The following GRM7 variants were observed in gnomAD, a reference collection of about 807,000 sequenced individuals.
GRM7 encodes metabotropic glutamate receptor 7.
Under a neutral mutation model 84.5 loss-of-function variants are expected in GRM7, and 35 were observed. That is an observed-to-expected ratio of 0.41 (90% CI 0.32 to 0.55). The LOEUF (loss-of-function observed/expected upper bound fraction) is 0.55. GRM7 is among the 20% of genes least tolerant of loss of function. The pLI is 0.19. For missense variants in GRM7, 1,003 were observed against 1,194.6 expected (o/e 0.84, Z 2.36); for synonymous variants, 487 against 455.1 (o/e 1.07, Z -0.89).
rs563453259 is a variant in GRM7, at chr3:7,379,390, G to A, written c.1034-35633G>A. Among the ~76,000 whole-genome samples, 35 of 152,208 alleles carry A rather than the reference G, an allele frequency of 2.3e-4. No homozygotes were observed. In the South Asian group the frequency reaches 6.8e-3, roughly 30 times the overall value. On this transcript the variant is annotated intron_variant, in intron 4 of 9. Coordinates refer to ENST00000357716, the MANE Select transcript of GRM7 (RefSeq NM_000844.4). ...TTACAGGTGCGAGCCACCATGCCCA[G>A]ACTCTTCTGTGAATTTTACAAGCGA...
intron 8 of GRM7, among the ~76,000 whole-genome samples, chr3:7,639,835 A>G (rs1300353557): frequency 1.3e-5 from 2 of 152,174 alleles, no homozygotes; most frequent in South Asian, 4.1e-4. Flanking sequence ...CATCACTCAG[A>G]AAGTTTTTTA....
intron 2 of GRM7, among the ~76,000 whole-genome samples, chr3:7,246,017 G>GTA (rs1697745933): frequency 3.9e-5 from 6 of 152,010 alleles, no homozygotes; most frequent in Non-Finnish European, 2.9e-5. Flanking sequence ...GTAAATAACT[G>GTA]AAGAGATAGA....
At chr3:7,014,596 G>A (rs938085363) in intron 1 of GRM7, among the ~76,000 whole-genome samples, 1 of 152,114 alleles carries the variant, frequency 6.6e-6, no homozygotes, top group Non-Finnish European at 1.5e-5. Flanking sequence ...GATTACAGAT[G>A]TGAGCCACCA....
At chr3:7,363,949 A>T (rs1460470994) in intron 4 of GRM7, among the ~76,000 whole-genome samples, 1 of 151,780 alleles carries the variant, frequency 6.6e-6, no homozygotes, top group Non-Finnish European at 1.5e-5. Flanking sequence ...TTTTCTGTTG[A>T]TGGATTAGCT....
At chr3:6,913,456 T>A (rs984450438) in intron 1 of GRM7, among the ~76,000 whole-genome samples, 1 of 152,184 alleles carries the variant, frequency 6.6e-6, no homozygotes, top group African/African-American at 2.4e-5. Flanking sequence ...AGGATGTGAA[T>A]AATGAACACT....
intron 4 of GRM7, among the ~76,000 whole-genome samples, chr3:7,406,633 G>A (rs1460032486): frequency 6.6e-6 from 1 of 152,150 alleles, no homozygotes; most frequent in Non-Finnish European, 1.5e-5. Context: ...CTGAATTTTT[G>A]TTGTGATGGG....
chr3:7,372,353 G>A (rs746910003), intron 4 of GRM7, among the ~76,000 whole-genome samples: 19 of 152,116 alleles, frequency 1.2e-4, no homozygotes, highest in Admixed American at 9.8e-4. Context: ...GTCCTCAGTT[G>A]TGTACAATCT....
intron 7 of GRM7, among the ~76,000 whole-genome samples, chr3:7,471,927 G>A (rs1240399882): frequency 6.6e-6 from 1 of 152,190 alleles, no homozygotes; most frequent in African/African-American, 2.4e-5. Flanking sequence ...ACCTCATGGT[G>A]CAATTTAATT....
chr3:7,732,224 A>G (rs1244612407), intron 9 of GRM7, among the ~76,000 whole-genome samples: 2 of 152,162 alleles, frequency 1.3e-5, no homozygotes, highest in African/African-American at 2.4e-5. Context: ...TGCAGTGGGC[A>G]GGAAGGGCAA....
At chr3:7,580,214 A>T (rs994441120) in intron 8 of GRM7, among the ~76,000 whole-genome samples, 3 of 152,148 alleles carry the variant, frequency 2.0e-5, no homozygotes, top group African/African-American at 7.2e-5. Flanking sequence ...TGTAATATCA[A>T]CCCTAATATA....
chr3:7,136,411 G>T (rs1306820956), intron 1 of GRM7, among the ~76,000 whole-genome samples: 4 of 149,412 alleles, frequency 2.7e-5, no homozygotes, highest in African/African-American at 7.5e-5. Flanking sequence ...TGCCTAGGTT[G>T]TCAGGAACTA....
intron 4 of GRM7, among the ~76,000 whole-genome samples, chr3:7,323,577 A>T (rs1199360103): frequency 6.6e-6 from 1 of 152,174 alleles, no homozygotes; most frequent in Non-Finnish European, 1.5e-5. Context: ...GTTAAAATAT[A>T]CTGTAGCTTA....
At chr3:7,102,635 T>G (rs1400974023) in intron 1 of GRM7, among the ~76,000 whole-genome samples, 1 of 151,734 alleles carries the variant, frequency 6.6e-6, no homozygotes, top group African/African-American at 2.4e-5. Flanking sequence ...TCTCCACATT[T>G]TTTCTACACC....
At chr3:7,390,040 A>T (rs1217812269) in intron 4 of GRM7, among the ~76,000 whole-genome samples, 1 of 151,846 alleles carries the variant, frequency 6.6e-6, no homozygotes, top group Non-Finnish European at 1.5e-5. Flanking sequence ...CTCTTGTTGG[A>T]TGGGTCTGGT....
At chr3:7,678,719 G>A (rs1266917062) in intron 8 of GRM7, among the ~76,000 whole-genome samples, 1 of 152,164 alleles carries the variant, frequency 6.6e-6, no homozygotes, top group Admixed American at 6.5e-5. Flanking sequence ...TCAAATTAAT[G>A]TTGGCTAGAA....
chr3:7,097,890 T>C (rs1384315293), intron 1 of GRM7, among the ~76,000 whole-genome samples: 1 of 152,116 alleles, frequency 6.6e-6, no homozygotes, highest in Non-Finnish European at 1.5e-5. Flanking sequence ...TACCTTTGAC[T>C]TGCAGAAAGC....
Position 7,679,553 on chromosome 3 carries a change from GGGAA to G in GRM7, c.2452-495_2452-492del, listed in dbSNP as rs1700274697. Among the ~76,000 whole-genome samples, 3 of 152,304 alleles carry G rather than the reference GGGAA, an allele frequency of 2.0e-5. No individual in the cohort carries two copies. In the South Asian group the frequency reaches 6.2e-4, roughly 32 times the overall value. On this transcript the variant is annotated intron_variant, in intron 8 of 9. Coordinates refer to ENST00000357716, the MANE Select transcript of GRM7 (RefSeq NM_000844.4). Reference sequence around the variant, plus strand: ...AAGTCAACTCACTATTCAGCAGATAGGGAAAAGGCGTGCCTTTCTAGAAAACAAT... The same window carrying G: ...AAGTCAACTCACTATTCAGCAGATAGAAGGCGTGCCTTTCTAGAAAACAAT...
intron 4 of GRM7, among the ~76,000 whole-genome samples, chr3:7,365,187 CT>C (rs1248688989): frequency 6.6e-6 from 1 of 151,794 alleles, no homozygotes; most frequent in Non-Finnish European, 1.5e-5. Flanking sequence ...ACTTGCTCTT[CT>C]TTCTGATTGT....
intron 2 of GRM7, among the ~76,000 whole-genome samples, chr3:7,210,630 A>C (rs145131594): frequency 6.6e-6 from 1 of 152,306 alleles, no homozygotes; most frequent in African/African-American, 2.4e-5. Flanking sequence ...ATGTTCAAGA[A>C]ATATATAAAA....
Sources: allele counts gnomAD v4.1 joint callset (sites outside exome capture counted in the v4.1 genomes callset), GRCh38; gene constraint gnomAD v4.1.1; transcripts MANE v1.5; gene names NCBI Gene and HGNC (gene_info 2026-07-23, HGNC 2026-07-21).